COL28A1: variants seen among roughly 807,000 people sequenced by gnomAD.
The protein encoded by COL28A1 is collagen alpha-1(XXVIII) chain.
COL28A1 carries 161 observed loss-of-function variants against 150.2 expected under a neutral mutation model. The ratio of observed to expected loss-of-function variants is 1.07; its 90% CI spans 0.94 to 1.22. COL28A1 has a LOEUF of 1.22. COL28A1 is among the 50% of genes most tolerant of loss of function. The pLI is 0.00. For missense variants in COL28A1, 1,617 were observed against 1,388.3 expected (o/e 1.16, Z -2.62); for synonymous variants, 552 against 469.7 (o/e 1.18, Z -2.26).
intron 15 of COL28A1, among the ~76,000 whole-genome samples, chr7:7,456,654 G>T (rs1041279590): frequency 6.6e-6 from 1 of 152,166 alleles, no homozygotes; most frequent in Non-Finnish European, 1.5e-5. Context: ...CCAGCAAGAA[G>T]AACATAATTC....
At chr7:7,515,564 CTA>C (rs1389023015) in intron 8 of COL28A1, among the ~76,000 whole-genome samples, 1 of 152,162 alleles carries the variant, frequency 6.6e-6, no homozygotes, top group Non-Finnish European at 1.5e-5. Context: ...TTGGGGTTCT[CTA>C]TTAAAATAAT....
chr7:7,441,710 T>A (rs1785805472), intron 20 of COL28A1, among the ~76,000 whole-genome samples: 1 of 152,078 alleles, frequency 6.6e-6, no homozygotes, highest in Admixed American at 6.5e-5. Context: ...GGTCCAAACA[T>A]TTGCATTTTT....
At chr7:7,444,715 C>T (rs1786117485) in intron 18 of COL28A1, among the ~76,000 whole-genome samples, 1 of 152,098 alleles carries the variant, frequency 6.6e-6, no homozygotes, top group African/African-American at 2.4e-5. Context: ...TGTTGACATC[C>T]TAACTCTTTG....
At chr7:7,432,724 A>G in intron 23 of COL28A1, 24 bp from the exon 24 acceptor site, 1 of 1,590,684 alleles carries the variant, frequency 6.3e-7, no homozygotes, top group Non-Finnish European at 8.6e-7. Context: ...AACATCAGTG[A>G]TATCATGAGA....
chr7:7,520,027 A>G (rs988257109), intron 6 of COL28A1, 35 bp downstream of exon 6: 2 of 1,008,584 alleles, frequency 2.0e-6, no homozygotes, highest in Non-Finnish European at 3.1e-6. Context: ...AGAAGGAGAT[A>G]CGCTGGTTTA....
At chr7:7,393,230 C>T (rs1782647421) in intron 27 of COL28A1, among the ~76,000 whole-genome samples, 1 of 152,222 alleles carries the variant, frequency 6.6e-6, no homozygotes, top group Non-Finnish European at 1.5e-5. Flanking sequence ...TGCTGCAGGT[C>T]TGCTGGAGTT....
chr7:7,464,382 A>G (rs915024575), intron 15 of COL28A1, among the ~76,000 whole-genome samples: 10 of 152,222 alleles, frequency 6.6e-5, no homozygotes, highest in African/African-American at 2.4e-4. Context: ...AGTGCATGGT[A>G]CCTTCTCCAA....
chr7:7,405,652 C>T (rs1482004747), intron 27 of COL28A1, among the ~76,000 whole-genome samples: 1 of 152,118 alleles, frequency 6.6e-6, no homozygotes, highest in Non-Finnish European at 1.5e-5. Flanking sequence ...ATGTCATCTC[C>T]TCAAATATGA....
intron 27 of COL28A1, among the ~76,000 whole-genome samples, chr7:7,398,291 T>C (rs1209185425): frequency 6.6e-6 from 1 of 152,232 alleles, no homozygotes; most frequent in Non-Finnish European, 1.5e-5. Context: ...CAGTCAAATG[T>C]TCTCCATTTG....
At chr7:7,361,678 G>A (rs894222444) in intron 33 of COL28A1, among the ~76,000 whole-genome samples, 6 of 152,052 alleles carry the variant, frequency 3.9e-5, no homozygotes, top group African/African-American at 1.4e-4. Context: ...CCCATTTTTT[G>A]ATAGAGTTTT....
chr7:7,392,693 A>C (rs28772915), intron 27 of COL28A1, among the ~76,000 whole-genome samples: 2,770 of 152,066 alleles, frequency 0.018, 73 homozygotes, highest in African/African-American at 0.062. Context: ...TTTTTTCTCT[A>C]ATCTTGTCTT....
intron 3 of COL28A1, among the ~76,000 whole-genome samples, chr7:7,528,592 A>T (rs564862051): frequency 3.9e-5 from 6 of 152,328 alleles, no homozygotes; most frequent in South Asian, 2.1e-4. Context: ...ACAGAAAAAA[A>T]CCCTGATGAG....
intron 23 of COL28A1, among the ~76,000 whole-genome samples, chr7:7,433,207 G>A (rs928904389): frequency 6.6e-6 from 1 of 152,138 alleles, no homozygotes; most frequent in African/African-American, 2.4e-5. Flanking sequence ...AGAAAGAGCA[G>A]GGAGGGGTGA....
chr7:7,485,269 G>C (rs1490528316), intron 13 of COL28A1, among the ~76,000 whole-genome samples: 1 of 152,046 alleles, frequency 6.6e-6, no homozygotes, highest in Non-Finnish European at 1.5e-5. Context: ...ATATGCTTGA[G>C]ATATGTATAT....
At chr7:7,435,469 G>A (rs972333334) in intron 23 of COL28A1, among the ~76,000 whole-genome samples, 5 of 152,110 alleles carry the variant, frequency 3.3e-5, no homozygotes, top group Non-Finnish European at 4.4e-5. Context: ...GTTTTAGCCC[G>A]GAAAGTCATG....
chr7:7,419,446 G>T (rs1045302091), intron 26 of COL28A1, among the ~76,000 whole-genome samples: 1 of 152,138 alleles, frequency 6.6e-6, no homozygotes, highest in East Asian at 1.9e-4. Context: ...TGGGCCAAAA[G>T]AAGTTGCTCT....
At chr7:7,491,039 G>T (rs1779887728) in intron 11 of COL28A1, among the ~76,000 whole-genome samples, 1 of 152,128 alleles carries the variant, frequency 6.6e-6, no homozygotes, top group Non-Finnish European at 1.5e-5. Flanking sequence ...TCCATAAAAG[G>T]CATAACGCAG....
chr7:7,456,857 G>C (rs1452873363), intron 15 of COL28A1, among the ~76,000 whole-genome samples: 1 of 152,210 alleles, frequency 6.6e-6, no homozygotes, highest in Non-Finnish European at 1.5e-5. Flanking sequence ...TGAATAATAA[G>C]TGTGAAGGAG....
rs536494311 is a variant in COL28A1 at position 7,378,138 on chromosome 7, G to A, written c.2322+2522C>T. ...GATCTGGCGCTTGGGAGAATTGTCCGGGCAGGAGGCAGATTTAAGAAATGC... is the reference window on the plus strand; with the variant it reads ...GATCTGGCGCTTGGGAGAATTGTCCAGGCAGGAGGCAGATTTAAGAAATGC... On this transcript the variant is annotated intron_variant, in intron 30 of 34. Transcript: ENST00000399429. Among the ~76,000 whole-genome samples, 8 of 152,182 alleles carry A rather than the reference G, an allele frequency of 5.3e-5. 2 individuals carry two copies. The highest frequency in any genetic ancestry group is 1.4e-4 in the African/African-American group (6 of 41,516).
Sources: gnomAD v4.1 joint callset for allele counts (sites outside exome capture counted in the v4.1 genomes callset) on GRCh38, gnomAD v4.1.1 for gene constraint, MANE v1.5 for transcripts, NCBI Gene and HGNC (gene_info 2026-07-23, HGNC 2026-07-21) for gene names.